The following ADRA1B variants were observed in gnomAD, a reference collection of about 807,000 sequenced individuals.
ADRA1B encodes alpha-1B adrenergic receptor.
In ADRA1B, 17 loss-of-function variants were observed where a neutral mutation model predicts 17.9. That is an observed-to-expected ratio of 0.95 (90% confidence interval 0.65 to 1.42). The LOEUF is 1.42. Ranked by LOEUF, ADRA1B falls within the 40% of genes most tolerant of loss-of-function variation. ADRA1B has a pLI of 0.00. For missense variants in ADRA1B, 681 were observed against 722.1 expected, an observed-to-expected ratio of 0.94 and a Z score of 0.65; for synonymous variants, 366 against 327.6, an observed-to-expected ratio of 1.12 and a Z score of -1.27.
At chr5:159,970,961 C>T (rs546537444) in intron 1 of ADRA1B, among the ~76,000 whole-genome samples, 3 of 152,264 alleles carry the variant, frequency 2.0e-5, no homozygotes, top group South Asian at 4.1e-4. Flanking sequence ...CGCACCAACA[C>T]GCCTGGTTAA....
intron 1 of ADRA1B, among the ~76,000 whole-genome samples, chr5:159,899,402 T>C (rs1487258471): frequency 6.6e-6 from 1 of 152,090 alleles, no homozygotes; most frequent in African/African-American, 2.4e-5. Context: ...AAGTCTGGGC[T>C]CAGTGGGAAA....
At chr5:159,923,353 TA>T (rs1330592212) in intron 1 of ADRA1B, among the ~76,000 whole-genome samples, 2 of 152,172 alleles carry the variant, frequency 1.3e-5, no homozygotes, top group Middle Eastern at 3.2e-3. Flanking sequence ...ACGAGACAGG[TA>T]GGAGGCTTTG....
At chr5:159,951,694 C>A (rs924203362) in intron 1 of ADRA1B, among the ~76,000 whole-genome samples, 8 of 152,188 alleles carry the variant, frequency 5.3e-5, no homozygotes, top group African/African-American at 1.4e-4. Flanking sequence ...CCACCCATAG[C>A]CACCTTTGGG....
At chr5:159,881,552 T>G (rs1326855773) in intron 1 of ADRA1B, among the ~76,000 whole-genome samples, 1 of 152,130 alleles carries the variant, frequency 6.6e-6, no homozygotes, top group South Asian at 2.1e-4. Context: ...TAGAGAGGAA[T>G]TGATTGGTCA....
intron 1 of ADRA1B, among the ~76,000 whole-genome samples, chr5:159,899,291 G>GAAGA (rs1754074295): frequency 7.1e-6 from 1 of 141,460 alleles, no homozygotes; most frequent in African/African-American, 2.6e-5. Flanking sequence ...AGGAAGGAAG[G>GAAGA]AAGGAAGGAA....
At chr5:159,974,277 T>TA (rs1755939006), downstream of ADRA1B, among the ~76,000 whole-genome samples, 1 of 152,218 alleles carries the variant, frequency 6.6e-6, no homozygotes, top group South Asian at 2.1e-4. Context: ...ATGACATTCT[T>TA]ACAACTTGAT....
At chr5:159,903,010 C>T (rs1275001187) in intron 1 of ADRA1B, among the ~76,000 whole-genome samples, 1 of 152,206 alleles carries the variant, frequency 6.6e-6, no homozygotes, top group Non-Finnish European at 1.5e-5. Flanking sequence ...ATCTGTGCTG[C>T]ATCCCCCGCG....
chr5:159,900,874 T>C (rs1416161078), intron 1 of ADRA1B, among the ~76,000 whole-genome samples: 1 of 152,192 alleles, frequency 6.6e-6, no homozygotes, highest in Non-Finnish European at 1.5e-5. Flanking sequence ...ACATCTGCTC[T>C]CAAAGAATGA....
intron 1 of ADRA1B, among the ~76,000 whole-genome samples, chr5:159,873,241 T>C (rs903002441): frequency 2.0e-5 from 3 of 152,200 alleles, no homozygotes; most frequent in Non-Finnish European, 4.4e-5. Context: ...AACATAAGTA[T>C]GCATGTGTCT....
rs923220204 is a variant in ADRA1B, at chr5:159,897,347, G to A, written c.-255-18772G>A. 7.9e-5 allele frequency among the ~76,000 whole-genome samples: 12 copies of A among 152,102 alleles called. No homozygotes were observed. In the South Asian group the frequency reaches 8.3e-4, roughly 11 times the overall value. On this transcript the variant is annotated intron_variant, in intron 1 of 2. Transcript: ENST00000641205. The stretch of plus-strand genomic sequence containing the variant: ...CTACAAATACAAAAATTAGCCGGGC[G>A]TGGTGGAACGCACCTGTAATCCCAG...
intron 1 of ADRA1B, among the ~76,000 whole-genome samples, chr5:159,924,943 G>T (rs546004493): frequency 1.3e-5 from 2 of 152,312 alleles, no homozygotes; most frequent in East Asian, 3.9e-4. Flanking sequence ...CTGGCTAGGA[G>T]TTCTTTCTCT....
intron 1 of ADRA1B, among the ~76,000 whole-genome samples, chr5:159,933,204 A>G (rs939896351): frequency 6.6e-6 from 1 of 152,206 alleles, no homozygotes; most frequent in Non-Finnish European, 1.5e-5. Flanking sequence ...GTTTAAAATA[A>G]TCCATTCCCT....
chr5:159,873,557 A>G (rs73311410), intron 1 of ADRA1B, among the ~76,000 whole-genome samples: 13,332 of 152,142 alleles, frequency 0.088, 675 homozygotes, highest in African/African-American at 0.14. Context: ...CCTCTGTTCA[A>G]TCCTGTTTCC....
At chr5:159,939,276 AGAGTGT>A (rs1429948294) in intron 1 of ADRA1B, among the ~76,000 whole-genome samples, 246 of 71,872 alleles carry the variant, frequency 3.4e-3, no homozygotes, top group Non-Finnish European at 4.6e-3. Flanking sequence ...AGAGAGAGAG[AGAGTGT>A]GTGTGTGTGT....
chr5:159,883,630 C>T (rs921627501), intron 1 of ADRA1B, among the ~76,000 whole-genome samples: 2 of 152,202 alleles, frequency 1.3e-5, no homozygotes, highest in Non-Finnish European at 2.9e-5. Flanking sequence ...ACAAATTAGG[C>T]CTTCCCCATG....
chr5:159,930,381 AC>A (rs1754768393), intron 1 of ADRA1B, among the ~76,000 whole-genome samples: 1 of 152,198 alleles, frequency 6.6e-6, no homozygotes, highest in Non-Finnish European at 1.5e-5. Flanking sequence ...TGTAATCCCA[AC>A]ACTTTGGGAG....
downstream of ADRA1B, among the ~76,000 whole-genome samples, chr5:159,975,865 A>G (rs1380023045): frequency 6.6e-6 from 1 of 152,008 alleles, no homozygotes; most frequent in Non-Finnish European, 1.5e-5. Flanking sequence ...CAGCCCTACT[A>G]TTTCCTCTCC....
chr5:159,935,217 T>G (rs1302438784), intron 1 of ADRA1B, among the ~76,000 whole-genome samples: 2 of 152,194 alleles, frequency 1.3e-5, no homozygotes, highest in Admixed American at 6.5e-5. Flanking sequence ...AGCTAAAGTT[T>G]TTTTAGAGTG....
rs1376665374 is a variant in ADRA1B, at chr5:159,972,818, T to C, written c.*326T>C. 2.0e-5 allele frequency among the ~76,000 whole-genome samples: 3 copies of C among 152,116 alleles called. No homozygotes were observed. Among genetic ancestry groups the C allele is most frequent in the Non-Finnish European group, 4.4e-5 (3 of 68,024 alleles). On this transcript the variant is annotated 3_prime_UTR_variant, in exon 2 of 2. Coordinates refer to ENST00000306675, the MANE Select transcript of ADRA1B (RefSeq NM_000679.4). ...GGTGCACGTGAGTGTGACTGTGCGG[T>C]GTGCGTGTGTTCCGCTTGTGTGTGT...
Sources: allele counts gnomAD v4.1 joint callset (sites outside exome capture counted in the v4.1 genomes callset), GRCh38; gene constraint gnomAD v4.1.1; transcripts MANE v1.5; gene names NCBI Gene and HGNC (gene_info 2026-07-23, HGNC 2026-07-21).